SHISA9: variants seen among roughly 807,000 people sequenced by gnomAD.
SHISA9 encodes the protein protein shisa-9.
A neutral mutation model predicts 38.0 loss-of-function variants in SHISA9; 13 were observed. The observed-to-expected ratio is 0.34, with a 90% CI of 0.22 to 0.54. The LOEUF (loss-of-function observed/expected upper bound fraction) is 0.54. Among genes scored for constraint, SHISA9 ranks in the 20% least tolerant of loss-of-function variants. The pLI, the probability that SHISA9 is intolerant of heterozygous loss-of-function variation, is 0.91. For missense variants in SHISA9, 538 were observed against 575.8 expected, an observed-to-expected ratio of 0.93 and a Z score of 0.67; for synonymous variants, 275 against 242.0, an observed-to-expected ratio of 1.14 and a Z score of -1.27.
Position 12,916,703 on chromosome 16 carries a change from C to T in SHISA9, c.579C>T (p.Val193=). ...CTTCTTTCAGGGCCCTTGCGGATGT[C>T]ATGAGACCACAGGGCCACTGCAACA... The part of the protein sequence containing the change: ...REHMSRALAD[V]MRPQGHCNTD... The change falls in exon 2 of 5, where the codon GTC becomes GTT. Residue 193 remains valine (V), a synonymous_variant. Transcript: ENST00000558583. The T allele has an allele frequency of 6.4e-7, 1 of 1,551,196 alleles. No homozygotes were observed. The highest frequency in any genetic ancestry group is 8.7e-7 in the Non-Finnish European group (1 of 1,146,798).
the SHISA9 span, among the ~76,000 whole-genome samples, chr16:13,501,957 G>A: frequency 2.7e-5 from 4 of 150,456 alleles, no homozygotes; most frequent in Non-Finnish European, 4.4e-5. Flanking sequence ...AGCCGAGATC[G>A]CACCATTGCA....
chr16:13,383,191 T>C, the SHISA9 span, among the ~76,000 whole-genome samples: 1 of 152,204 alleles, frequency 6.6e-6, no homozygotes, highest in Non-Finnish European at 1.5e-5. Flanking sequence ...GGCAGCTATT[T>C]TACGAGAGTG....
chr16:13,060,118 G>A (rs1394501745), intron 2 of SHISA9, among the ~76,000 whole-genome samples: 1 of 152,154 alleles, frequency 6.6e-6, no homozygotes, highest in Non-Finnish European at 1.5e-5. Flanking sequence ...AAGTGCAGGT[G>A]GCTCCACTAA....
intron 2 of SHISA9, among the ~76,000 whole-genome samples, chr16:13,108,570 A>G (rs2141964281): frequency 6.6e-6 from 1 of 152,234 alleles, no homozygotes; most frequent in Non-Finnish European, 1.5e-5. Context: ...TGGCCCAAAG[A>G]GAGCATCTTT....
the SHISA9 span, among the ~76,000 whole-genome samples, chr16:13,426,479 G>A: frequency 2.6e-5 from 4 of 152,116 alleles, no homozygotes; most frequent in Non-Finnish European, 5.9e-5. Context: ...CACTGTCTGT[G>A]TACCTTTCCC....
intron 2 of SHISA9, among the ~76,000 whole-genome samples, chr16:12,996,330 C>A (rs2072456965): frequency 1.3e-5 from 2 of 152,040 alleles, no homozygotes; most frequent in Non-Finnish European, 2.9e-5. Context: ...GTGCCAAGCC[C>A]ATTTTCCCAC....
At chr16:13,246,625 T>A in the SHISA9 span, among the ~76,000 whole-genome samples, 4 of 152,206 alleles carry the variant, frequency 2.6e-5, no homozygotes, top group African/African-American at 9.6e-5. Context: ...CTCTTCTTGC[T>A]GGGGCTCTGA....
chr16:13,365,645 G>A, the SHISA9 span, among the ~76,000 whole-genome samples: 1 of 151,936 alleles, frequency 6.6e-6, no homozygotes, highest in Admixed American at 6.6e-5. Flanking sequence ...TTTTTATAGA[G>A]ACAGGTTTTC....
At chr16:13,225,294 A>G (rs761056683) in intron 4 of SHISA9, among the ~76,000 whole-genome samples, 1 of 152,150 alleles carries the variant, frequency 6.6e-6, no homozygotes, top group Non-Finnish European at 1.5e-5. Context: ...TTGGAACTGC[A>G]AGAGAATGTA....
chr16:13,171,598 G>T (rs2050687241), intron 2 of SHISA9, among the ~76,000 whole-genome samples: 1 of 152,014 alleles, frequency 6.6e-6, no homozygotes, highest in Non-Finnish European at 1.5e-5. Flanking sequence ...TACTTGCCAG[G>T]GTTCTGCCCT....
the SHISA9 span, among the ~76,000 whole-genome samples, chr16:13,546,860 G>T: frequency 6.6e-6 from 1 of 152,148 alleles, no homozygotes; most frequent in East Asian, 1.9e-4. Context: ...CTATCAGGCC[G>T]TTTACTGGAA....
At chr16:12,931,390 G>C (rs1339158942) in intron 2 of SHISA9, among the ~76,000 whole-genome samples, 3 of 152,170 alleles carry the variant, frequency 2.0e-5, no homozygotes, top group Non-Finnish European at 4.4e-5. Context: ...CCCAGGTGGT[G>C]AGCATAGTGC....
At chr16:13,481,494 G>A in the SHISA9 span, among the ~76,000 whole-genome samples, 1 of 152,152 alleles carries the variant, frequency 6.6e-6, no homozygotes, top group Non-Finnish European at 1.5e-5. Flanking sequence ...ATGCTGTAGA[G>A]GTGCATCCCC....
chr16:13,073,479 G>T (rs1025418707), intron 2 of SHISA9, among the ~76,000 whole-genome samples: 2 of 152,132 alleles, frequency 1.3e-5, no homozygotes, highest in East Asian at 1.9e-4. Context: ...AGCATCATCA[G>T]CAGCAGCATC....
At chr16:13,462,987 A>ATAAAT in the SHISA9 span, among the ~76,000 whole-genome samples, 367 of 149,014 alleles carry the variant, frequency 2.5e-3, 1 homozygote, top group Middle Eastern at 0.01. Flanking sequence ...AAATAAATAA[A>ATAAAT]AAATAAAAAT....
At chr16:13,316,821 G>GAT in the SHISA9 span, among the ~76,000 whole-genome samples, 4 of 152,310 alleles carry the variant, frequency 2.6e-5, no homozygotes, top group South Asian at 8.3e-4. Context: ...ATAGGAAAGT[G>GAT]GTTCAGAGAT....
intron 2 of SHISA9, among the ~76,000 whole-genome samples, chr16:13,029,995 T>C (rs8058552): frequency 0.78 from 118,248 of 152,170 alleles, 46,442 homozygotes; most frequent in African/African-American, 0.89. Context: ...TAGGACCTAC[T>C]TCATGATGCT....
At chr16:12,961,766 C>CCT (rs2071915068) in intron 2 of SHISA9, among the ~76,000 whole-genome samples, 1 of 152,100 alleles carries the variant, frequency 6.6e-6, no homozygotes, top group Non-Finnish European at 1.5e-5. Context: ...TAGAAATTTC[C>CCT]CTCCAATCAG....
At chr16:13,418,110 C>G in the SHISA9 span, among the ~76,000 whole-genome samples, 1 of 152,018 alleles carries the variant, frequency 6.6e-6, no homozygotes, top group Admixed American at 6.5e-5. Context: ...CTGAAAGAAG[C>G]TAGATTATGT....
Sources: gnomAD v4.1 joint callset for allele counts (sites outside exome capture counted in the v4.1 genomes callset) on GRCh38, gnomAD v4.1.1 for gene constraint, MANE v1.5 for transcripts, NCBI Gene and HGNC (gene_info 2026-07-23, HGNC 2026-07-21) for gene names.